ADCYAP1R1: variants seen among roughly 807,000 people sequenced by gnomAD.
The protein encoded by ADCYAP1R1 is ADCYAP receptor type I, also known as pituitary adenylate cyclase-activating polypeptide type I receptor.
In ADCYAP1R1, 44 loss-of-function variants were observed where a neutral mutation model predicts 67.6. The ratio of observed to expected loss-of-function variants is 0.65; its 90% confidence interval spans 0.51 to 0.84. The LOEUF is 0.84. Ranked by LOEUF, ADCYAP1R1 falls within the 40% of genes least tolerant of loss-of-function variation. The probability of loss-of-function intolerance (pLI) is 0.00; values close to 1 mark genes in which losing one functional copy is unlikely to be tolerated. For missense variants in ADCYAP1R1, 477 were observed against 587.9 expected (o/e 0.81, Z 1.95); for synonymous variants, 222 against 219.6 (o/e 1.01, Z -0.10).
intron 3 of ADCYAP1R1, among the ~76,000 whole-genome samples, chr7:31,070,823 A>G (rs779285310): frequency 6.6e-6 from 1 of 152,236 alleles, no homozygotes; most frequent in Non-Finnish European, 1.5e-5. Context: ...GATCTGGATG[A>G]GGCCTGAGCA....
rs141914002 is a variant in ADCYAP1R1, at chr7:31,064,743, C to G, written c.52-88C>G. 1.6e-3 allele frequency: 1,719 copies of G among 1,100,726 alleles called. 12 individuals are homozygous for G. In the African/African-American group the frequency reaches 0.022, roughly 14 times the overall value. The allele number at this position is 1,100,726 out of a possible 1,614,324, so 68.2% of individuals were successfully genotyped here. A position where few individuals can be genotyped will look rare whatever the true frequency, so the allele number is the denominator to read the frequency against. On this transcript the variant is annotated intron_variant, in intron 2 of 15. Coordinates refer to ENST00000304166, the MANE Select transcript of ADCYAP1R1 (RefSeq NM_001118.5). ...TCTCTGCTTCTGCTCCCCACTCCCC[C>G]CAAGACACTGCCCCTGGGGCTTTGG...
At chr7:31,096,572 T>G (rs943729487) in intron 13 of ADCYAP1R1, among the ~76,000 whole-genome samples, 1 of 152,170 alleles carries the variant, frequency 6.6e-6, no homozygotes. Flanking sequence ...CAGCAGTCAG[T>G]GGCTGAGCAA....
rs1796768984 is a variant in ADCYAP1R1, at chr7:31,109,338, G to C, written c.*2654G>C. ...GTCTATGTAAAACCCTTCCCTCTCT[G>C]ACCCTCTGTTTTCAAATCTGTAAAA... On this transcript the variant is annotated 3_prime_UTR_variant, in exon 16 of 16. Transcript: ENST00000304166. The C allele has an allele frequency of 6.6e-6, 1 of 152,176 alleles. No homozygotes were observed. The highest frequency in any genetic ancestry group is 2.1e-4 in the South Asian group (1 of 4,830). The allele number at this position is 152,176 out of a possible 1,614,324, so 9.4% of individuals were successfully genotyped here. A position where few individuals can be genotyped will look rare whatever the true frequency, so the allele number is the denominator to read the frequency against.
intron 1 of ADCYAP1R1, among the ~76,000 whole-genome samples, chr7:31,056,755 C>G (rs565919891): frequency 2.1e-4 from 32 of 152,336 alleles, no homozygotes; most frequent in Middle Eastern, 3.4e-3. Flanking sequence ...GCTGATCACT[C>G]CACTCCATTG....
At chr7:31,100,708 A>C (rs904669528) in intron 13 of ADCYAP1R1, among the ~76,000 whole-genome samples, 1 of 152,152 alleles carries the variant, frequency 6.6e-6, no homozygotes, top group African/African-American at 2.4e-5. Flanking sequence ...CCATTTTACA[A>C]ATGAGAAAAC....
At chr7:31,101,204 C>T (rs1438093978) in intron 13 of ADCYAP1R1, among the ~76,000 whole-genome samples, 1 of 152,170 alleles carries the variant, frequency 6.6e-6, no homozygotes. Flanking sequence ...AGGTGTTGCC[C>T]TTGGACTGTG....
intron 2 of ADCYAP1R1, among the ~76,000 whole-genome samples, chr7:31,063,757 G>T (rs532379629): frequency 1.3e-5 from 2 of 152,080 alleles, no homozygotes; most frequent in African/African-American, 2.4e-5. Context: ...TTTTGGTCCC[G>T]CCACTCTACC....
At chr7:31,091,005 A>C (rs1456423548) in intron 12 of ADCYAP1R1, among the ~76,000 whole-genome samples, 1 of 152,252 alleles carries the variant, frequency 6.6e-6, no homozygotes, top group Non-Finnish European at 1.5e-5. Context: ...ACTACTTTCC[A>C]TGGTGGCTGA....
intron 12 of ADCYAP1R1, among the ~76,000 whole-genome samples, chr7:31,092,174 C>G (rs930450851): frequency 2.7e-5 from 4 of 149,236 alleles, no homozygotes; most frequent in Non-Finnish European, 5.9e-5. Flanking sequence ...TGTCCCTAGT[C>G]TTTATCTGAA....
intron 6 of ADCYAP1R1, among the ~76,000 whole-genome samples, chr7:31,083,249 C>G (rs1048135700): frequency 2.5e-4 from 38 of 152,348 alleles, no homozygotes; most frequent in Admixed American, 2.4e-3. Flanking sequence ...CTTGCTCACC[C>G]CCCTGCCCTG....
chr7:31,109,118 A>G lies in ADCYAP1R1; in HGVS notation c.*2434A>G, dbSNP rs1249318390. The stretch of plus-strand genomic sequence containing the variant: ...AACAGTAAAAACAAAATCAACCCTG[A>G]ACCCCATGCACTGTGCTGCTTCCTG... On this transcript the variant is annotated 3_prime_UTR_variant, in exon 16 of 16. Coordinates refer to ENST00000304166, the MANE Select transcript of ADCYAP1R1 (RefSeq NM_001118.5). The G allele has an allele frequency of 6.6e-6, 1 of 152,208 alleles. No homozygotes were observed. The highest frequency in any genetic ancestry group is 1.9e-4 in the East Asian group (1 of 5,194). 9.4% of individuals were successfully genotyped at this position (152,208 alleles called of 1,614,324 possible).
Position 31,107,538 on chromosome 7 carries a change from T to G in ADCYAP1R1, c.*854T>G, listed in dbSNP as rs2128644065. ...ACAGGGTTCTTCTGGTCATCTCCCT[T>G]CCACCTCTTCCACCCTCATGGATGC... On this transcript the variant is annotated 3_prime_UTR_variant, in exon 16 of 16. Transcript: ENST00000304166. 6.6e-6 allele frequency: 1 copy of G among 152,388 alleles called. No individual in the cohort carries two copies. The highest frequency in any genetic ancestry group is 2.1e-4 in the South Asian group (1 of 4,826). The allele number at this position is 152,388 out of a possible 1,614,324, so 9.4% of individuals were successfully genotyped here. A position where few individuals can be genotyped will look rare whatever the true frequency, so the allele number is the denominator to read the frequency against.
At chr7:31,104,786 T>G in intron 14 of ADCYAP1R1, 82 bp from the exon 15 acceptor site, 1 of 1,501,422 alleles carries the variant, frequency 6.7e-7, no homozygotes, top group Non-Finnish European at 9.3e-7. Context: ...TTCTGCTTCC[T>G]AGAGTCATCC....
At chr7:31,083,867 T>C (rs773974241) in intron 6 of ADCYAP1R1, among the ~76,000 whole-genome samples, 1 of 152,148 alleles carries the variant, frequency 6.6e-6, no homozygotes, top group Non-Finnish European at 1.5e-5. Flanking sequence ...CTCAGGCCCA[T>C]CCCTGATGAG....
intron 9 of ADCYAP1R1, among the ~76,000 whole-genome samples, 197 bp downstream of exon 9, chr7:31,085,639 G>A (rs1244859939): frequency 4.6e-5 from 7 of 152,168 alleles, no homozygotes; most frequent in Non-Finnish European, 1.0e-4. Flanking sequence ...GCCAATGTAC[G>A]ACATCACTTC....
chr7:31,077,947 G>A (rs772789244), intron 3 of ADCYAP1R1, 44 bp from the exon 4 acceptor site: 18 of 1,361,966 alleles, frequency 1.3e-5, no homozygotes, highest in African/African-American at 2.9e-5. Context: ...GTGTGTATGG[G>A]TGTGTGTGGC....
intron 3 of ADCYAP1R1, among the ~76,000 whole-genome samples, chr7:31,066,221 G>C (rs1270753761): frequency 1.3e-5 from 2 of 152,176 alleles, no homozygotes; most frequent in Non-Finnish European, 2.9e-5. Flanking sequence ...GCTGAGGTGG[G>C]TCTGGAACCC....
chr7:31,094,036 C>G (rs1796080754), intron 13 of ADCYAP1R1, among the ~76,000 whole-genome samples: 2 of 152,142 alleles, frequency 1.3e-5, no homozygotes, highest in Non-Finnish European at 1.5e-5. Flanking sequence ...GAAACCCTTC[C>G]TCAGGGGTGG....
In ADCYAP1R1 at chr7:31,055,363, G is replaced by A. The variant is rs982513744; in HGVS notation, c.-72+2685G>A. On this transcript the variant is annotated intron_variant, in intron 1 of 15. Transcript: ENST00000304166. ...TGTGTGTGTGTGTGTGTGTGTGCAC[G>A]CGCGTGTTGCATAAGCCTAGAACAA... Among the ~76,000 whole-genome samples the A allele has an allele frequency of 6.2e-4, 94 of 151,926 alleles. 1 individual carries two copies. Among genetic ancestry groups the A allele is most frequent in the Non-Finnish European group, 1.6e-4 (11 of 67,986 alleles).
Sources: allele counts gnomAD v4.1 joint callset (sites outside exome capture counted in the v4.1 genomes callset), GRCh38; gene constraint gnomAD v4.1.1; transcripts MANE v1.5; gene names NCBI Gene and HGNC (gene_info 2026-07-23, HGNC 2026-07-21).